PLAAT2: variants seen among roughly 807,000 people sequenced by gnomAD.
PLAAT2 encodes the protein phospholipase A and acyltransferase 2.
PLAAT2 carries 12 observed loss-of-function variants against 12.8 expected under a neutral mutation model. The ratio of observed to expected loss-of-function variants is 0.94; its 90% CI spans 0.60 to 1.52. PLAAT2 has a LOEUF of 1.52. Among genes scored for constraint, PLAAT2 ranks in the 40% most tolerant of loss-of-function variants. The probability of loss-of-function intolerance (pLI) is 0.00; values close to 1 mark genes in which losing one functional copy is unlikely to be tolerated. For synonymous variants in PLAAT2, 79 were observed against 86.8 expected (o/e 0.91, Z 0.50); for missense variants, 166 against 208.1 (o/e 0.80, Z 1.24).
chr11:63,563,105 T>C (rs945971207), intron 1 of PLAAT2, among the ~76,000 whole-genome samples: 6 of 152,264 alleles, frequency 3.9e-5, no homozygotes, highest in Non-Finnish European at 4.4e-5. Flanking sequence ...CCAGACCCCA[T>C]GCGGCAGCTG....
chr11:63,553,466 C>T (rs1046654158), intron 3 of PLAAT2, among the ~76,000 whole-genome samples: 1 of 151,312 alleles, frequency 6.6e-6, no homozygotes, highest in Non-Finnish European at 1.5e-5. Flanking sequence ...ATGGTGAGAC[C>T]CCCATCTCTA....
At chr11:63,562,955 G>A (rs909451856) in intron 1 of PLAAT2, among the ~76,000 whole-genome samples, 1 of 152,230 alleles carries the variant, frequency 6.6e-6, no homozygotes, top group Admixed American at 6.5e-5. Context: ...TGTGACAGAG[G>A]AGGCGGCCTG....
rs747996623 is a variant in PLAAT2, at chr11:63,560,089, C to T, written c.114G>A (p.Pro38=). 5.6e-6 allele frequency: 9 copies of T among 1,606,284 alleles called. No individual in the cohort carries two copies. Among genetic ancestry groups the T allele is most frequent in the African/African-American group, 2.7e-5 (2 of 74,700 alleles). ...AAAAAGAGAACCCATCCTTACTTGCCGGAGCCAGATGGACCACATAGCCAT... is the reference window on the plus strand; with the variant it reads ...AAAAAGAGAACCCATCCTTACTTGCTGGAGCCAGATGGACCACATAGCCAT... ...VGDGYVVHLA[P]ASEIAGAGAA... is the part of the protein sequence containing the mutation. The change falls in exon 2 of 4, where the codon CCG becomes CCA. Residue 38 remains proline (P), a synonymous_variant. Coordinates refer to ENST00000255695, the MANE Select transcript of PLAAT2 (RefSeq NM_017878.2).
chr11:63,555,298 C>G (rs1174611067), intron 3 of PLAAT2, among the ~76,000 whole-genome samples: 2 of 152,014 alleles, frequency 1.3e-5, no homozygotes, highest in Non-Finnish European at 2.9e-5. Flanking sequence ...TGGATCCAAT[C>G]AATTGTGGAT....
Position 63,558,930 on chromosome 11 carries a change from C to T in PLAAT2, c.119-270G>A, listed in dbSNP as rs112323045. ...AGATATACCTGAAAGAGTCAACAGTCAAGGCAGTGTGGTACAGGGCAAAGA... is the reference window on the plus strand; with the variant it reads ...AGATATACCTGAAAGAGTCAACAGTTAAGGCAGTGTGGTACAGGGCAAAGA... On this transcript the variant is annotated intron_variant, in intron 2 of 3. Coordinates refer to ENST00000255695, the MANE Select transcript of PLAAT2 (RefSeq NM_017878.2). Among the ~76,000 whole-genome samples, 380 of 152,314 alleles carry T rather than the reference C, an allele frequency of 2.5e-3. 2 individuals carry two copies. Among genetic ancestry groups the T allele is most frequent in the African/African-American group, 8.7e-3 (361 of 41,574 alleles).
intron 3 of PLAAT2, among the ~76,000 whole-genome samples, chr11:63,553,885 C>T (rs2017441268): frequency 6.6e-6 from 1 of 152,150 alleles, no homozygotes; most frequent in African/African-American, 2.4e-5. Context: ...AGTCGGCACT[C>T]ATAATTCATC....
chr11:63,564,586 G>A (rs2017547376), upstream of PLAAT2, among the ~76,000 whole-genome samples: 1 of 152,202 alleles, frequency 6.6e-6, no homozygotes, highest in South Asian at 2.1e-4. Flanking sequence ...TGGTCATGTG[G>A]TCTTGCTCCC....
intron 1 of PLAAT2, 38 bp downstream of exon 1, chr11:63,563,278 C>T (rs370709497): frequency 1.9e-6 from 3 of 1,613,554 alleles, no homozygotes; most frequent in Non-Finnish European, 2.5e-6. Context: ...GTGGTTGTTC[C>T]TCAAATCAAA....
At chr11:63,559,671 G>A (rs1285251784) in intron 2 of PLAAT2, among the ~76,000 whole-genome samples, 2 of 119,660 alleles carry the variant, frequency 1.7e-5, no homozygotes, top group African/African-American at 6.6e-5. Context: ...GTAAGCAGAG[G>A]AGCCACAATT....
At chr11:63,561,573 A>G (rs1178956811) in intron 1 of PLAAT2, among the ~76,000 whole-genome samples, 2 of 129,068 alleles carry the variant, frequency 1.5e-5, no homozygotes, top group African/African-American at 5.9e-5. Flanking sequence ...TGAACCCGGG[A>G]GGCAGGGGTT....
upstream of PLAAT2, among the ~76,000 whole-genome samples, chr11:63,565,063 G>C (rs1427033663): frequency 1.3e-5 from 2 of 152,152 alleles, no homozygotes; most frequent in African/African-American, 4.8e-5. Context: ...TCAAGGGCCA[G>C]TGGAATGAGA....
chr11:63,554,356 G>T (rs1158851328), intron 3 of PLAAT2, among the ~76,000 whole-genome samples: 5 of 152,068 alleles, frequency 3.3e-5, no homozygotes, highest in Admixed American at 2.0e-4. Flanking sequence ...AAGGCCGGGG[G>T]GGCGGTGGCT....
chr11:63,558,774 T>C, intron 2 of PLAAT2, 114 bp from the exon 3 acceptor site: 1 of 1,298,396 alleles, frequency 7.7e-7, no homozygotes, highest in Non-Finnish European at 1.1e-6. Flanking sequence ...GAAGGACTTG[T>C]CCATCCTGCC....
chr11:63,553,549 C>T (rs898237514), intron 3 of PLAAT2, among the ~76,000 whole-genome samples: 5 of 151,948 alleles, frequency 3.3e-5, no homozygotes, highest in Admixed American at 1.3e-4. Context: ...ACTCAGGAGG[C>T]TGAGGCAGGA....
chr11:63,553,589 G>T (rs1258172601), intron 3 of PLAAT2, among the ~76,000 whole-genome samples: 2 of 152,170 alleles, frequency 1.3e-5, no homozygotes, highest in Non-Finnish European at 2.9e-5. Context: ...GGCGGAGGTT[G>T]CAGTGAGCCA....
chr11:63,559,427 C>T (rs2017497792), intron 2 of PLAAT2, among the ~76,000 whole-genome samples: 1 of 152,072 alleles, frequency 6.6e-6, no homozygotes, highest in Non-Finnish European at 1.5e-5. Flanking sequence ...AGAAGCCTGT[C>T]CCAGGAATCC....
chr11:63,559,322 A>G (rs1413698205), intron 2 of PLAAT2, among the ~76,000 whole-genome samples: 1 of 152,134 alleles, frequency 6.6e-6, no homozygotes, highest in Non-Finnish European at 1.5e-5. Flanking sequence ...AAAGAAAAGA[A>G]AATGTCACCC....
At chr11:63,563,715 C>CAAAAAAAAA (rs35852892), upstream of PLAAT2, among the ~76,000 whole-genome samples, 2 of 56,130 alleles carry the variant, frequency 3.6e-5, no homozygotes, top group African/African-American at 1.2e-4. Context: ...GAGACTCAGT[C>CAAAAAAAAA]AAAAAAAAAA....
intron 1 of PLAAT2, among the ~76,000 whole-genome samples, chr11:63,561,778 C>A (rs139055641): frequency 1.3e-5 from 2 of 151,738 alleles, no homozygotes; most frequent in Non-Finnish European, 2.9e-5. Flanking sequence ...CATGTTCCCC[C>A]CCAGAACCTC....
Sources: gnomAD v4.1 joint callset for allele counts (sites outside exome capture counted in the v4.1 genomes callset) on GRCh38, gnomAD v4.1.1 for gene constraint, MANE v1.5 for transcripts, NCBI Gene and HGNC (gene_info 2026-07-23, HGNC 2026-07-21) for gene names.